Variants in GEMIN5 observed in about 807,000 individuals in gnomAD.
GEMIN5 encodes the protein gem nuclear organelle associated protein 5.
GEMIN5 carries 124 observed loss-of-function variants against 176.9 expected under a neutral mutation model. The observed-to-expected ratio is 0.70, with a 90% CI of 0.61 to 0.81. The LOEUF is 0.81. GEMIN5 is among the 40% of genes least tolerant of loss of function. The pLI is 0.00. For synonymous variants in GEMIN5, 673 were observed against 665.2 expected (o/e 1.01, Z -0.18); for missense variants, 1,843 against 1,814.6 (o/e 1.02, Z -0.28).
chr5:154,907,659 C>A lies in GEMIN5; in HGVS notation c.2327G>T (p.Gly776Val), dbSNP rs528693218. Residue 776 changes from glycine to valine, a missense_variant, in exon 16 of 28, where the codon GGT (glycine) becomes GTT (valine). Gly to Val is a moderately radical substitution (Grantham distance 109, BLOSUM62 -3). Coordinates refer to ENST00000285873, the MANE Select transcript of GEMIN5 (RefSeq NM_015465.5). ...MKENSGPVEN[G>V]VSDQEGEEQA... ...CTCCTCCCCTTCTTGGTCTGACACA[C>A]CATTCTCAACAGGTCCTGAGTTCTC... The A allele has an allele frequency of 1.2e-5, 20 of 1,614,152 alleles. No individual in the cohort carries two copies. The African/African-American group carries it at 2.1e-4, about 17-fold the overall frequency.
At chr5:154,893,884 C>T (rs919278730) in intron 24 of GEMIN5, among the ~76,000 whole-genome samples, 2 of 152,184 alleles carry the variant, frequency 1.3e-5, no homozygotes, top group African/African-American at 2.4e-5. Context: ...GCTGGGACTA[C>T]AGGAGCCCGC....
At chr5:154,926,173 A>G (rs1386307896) in intron 7 of GEMIN5, 99 bp from the exon 8 acceptor site, 1 of 691,652 alleles carries the variant, frequency 1.4e-6, no homozygotes, top group Non-Finnish European at 2.5e-6. Context: ...AGACTGGGTA[A>G]GGATAATGCA....
Position 154,896,361 on chromosome 5 carries a change from G to A in GEMIN5, c.3346-18C>T, listed in dbSNP as rs757127096. On this transcript the variant is annotated intron_variant, in intron 23 of 27. Coordinates refer to ENST00000285873, the MANE Select transcript of GEMIN5 (RefSeq NM_015465.5). ...CTCTGACCCTGGAACACGACAACAA[G>A]GAAGAGGAACTGTTATACAGGGAAA... 8.4e-6 allele frequency: 13 copies of A among 1,548,398 alleles called. No individual in the cohort carries two copies. In the South Asian group the frequency reaches 1.5e-4, roughly 18 times the overall value.
In GEMIN5 at chr5:154,887,957, T is replaced by C. The variant is rs1763143366; in HGVS notation, c.*253A>G. The C allele has an allele frequency of 8.8e-6, 4 of 453,918 alleles. No individual in the cohort carries two copies. The highest frequency in any genetic ancestry group is 8.0e-6 in the Non-Finnish European group (2 of 249,976). 28.1% of individuals were successfully genotyped at this position (453,918 alleles called of 1,614,324 possible). On this transcript the variant is annotated 3_prime_UTR_variant, in exon 28 of 28. Transcript: ENST00000285873. Reference sequence around the variant, plus strand: ...GTAGAGATGACCAACACTCTGCAGGTGTTAGTTCTGAATAACTACTGTGGG... The same window carrying C: ...GTAGAGATGACCAACACTCTGCAGGCGTTAGTTCTGAATAACTACTGTGGG...
At chr5:154,893,601 G>C (rs889335810) in intron 24 of GEMIN5, among the ~76,000 whole-genome samples, 22 of 152,180 alleles carry the variant, frequency 1.4e-4, no homozygotes, top group Admixed American at 1.4e-3. Flanking sequence ...CTCTGCAGGC[G>C]ATCTCCTGGC....
intron 15 of GEMIN5, among the ~76,000 whole-genome samples, chr5:154,908,130 C>T (rs963725268): frequency 1.3e-5 from 2 of 150,142 alleles, no homozygotes; most frequent in African/African-American, 2.4e-5. Flanking sequence ...GCCACCTACT[C>T]CATACTCTCT....
rs1763849403 is a variant in GEMIN5 at position 154,918,086 on chromosome 5, G to A, written c.1600-82C>T. On this transcript the variant is annotated intron_variant, in intron 11 of 27. Coordinates refer to ENST00000285873, the MANE Select transcript of GEMIN5 (RefSeq NM_015465.5). ...ACAGCATGAGAAAAAAAAATCCCTA[G>A]AGTTTAAAAACGTTTTAATTATACA... 3.8e-5 allele frequency: 32 copies of A among 850,314 alleles called. No homozygotes were observed. The South Asian group carries it at 4.5e-4, about 12-fold the overall frequency. The allele number at this position is 850,314 out of a possible 1,614,324, so 52.7% of individuals were successfully genotyped here. A position where few individuals can be genotyped will look rare whatever the true frequency, so the allele number is the denominator to read the frequency against.
intron 15 of GEMIN5, among the ~76,000 whole-genome samples, chr5:154,908,365 G>C (rs1260092170): frequency 2.0e-5 from 3 of 151,944 alleles, no homozygotes; most frequent in Non-Finnish European, 4.4e-5. Flanking sequence ...ATTTTCAGTA[G>C]AGACGGGGTT....
Position 154,891,743 on chromosome 5 carries a change from C to T in GEMIN5, c.3761-1G>A. ...AACTTGTCTCTTAGGTGGTCACAGC[C>T]TAGGAAAAGAGGAAAAAGATACTGG... On this transcript the variant is annotated splice_acceptor_variant, in intron 25 of 27. Transcript: ENST00000285873. LOFTEE classifies it high-confidence loss of function. 1.3e-6 allele frequency: 2 copies of T among 1,573,048 alleles called. No homozygotes were observed. Among genetic ancestry groups the T allele is most frequent in the South Asian group, 1.2e-5 (1 of 83,610 alleles).
rs754695739 is a variant in GEMIN5, at chr5:154,907,664, C to G, written c.2322G>C (p.Glu774Asp). 6.8e-6 allele frequency: 11 copies of G among 1,614,202 alleles called. No individual in the cohort carries two copies. The highest frequency in any genetic ancestry group is 5.0e-5 in the Admixed American group (3 of 60,026). ...ESMKENSGPV[E>D]NGVSDQEGEE... ...CCCCTTCTTGGTCTGACACACCATTCTCAACAGGTCCTGAGTTCTCCTTCA... is the reference window on the plus strand; with the variant it reads ...CCCCTTCTTGGTCTGACACACCATTGTCAACAGGTCCTGAGTTCTCCTTCA... The change falls in exon 16 of 28, where the codon GAG becomes GAC. Residue 774 changes from glutamate (E) to aspartate (D), a missense_variant. Physicochemically the swap from Glu to Asp is conservative, Grantham distance 45. Coordinates refer to ENST00000285873, the MANE Select transcript of GEMIN5 (RefSeq NM_015465.5).
intron 3 of GEMIN5, among the ~76,000 whole-genome samples, chr5:154,934,429 G>A (rs776939299): frequency 1.2e-4 from 19 of 152,098 alleles, no homozygotes; most frequent in Admixed American, 4.6e-4. Flanking sequence ...TGCCCACCTC[G>A]GCCTCTCAAA....
chr5:154,900,394 G>C (rs1763438739), intron 21 of GEMIN5, among the ~76,000 whole-genome samples: 1 of 152,170 alleles, frequency 6.6e-6, no homozygotes, highest in Non-Finnish European at 1.5e-5. Context: ...AGCCATGATG[G>C]AGTAACTGGG....
intron 26 of GEMIN5, 116 bp from the exon 27 acceptor site, chr5:154,889,533 T>A (rs546466533): frequency 5.5e-6 from 3 of 548,622 alleles, no homozygotes; most frequent in Non-Finnish European, 9.8e-6. Flanking sequence ...ATCTTAGCCA[T>A]TTAAAAATAC....
At chr5:154,918,126 A>G (rs2113492029) in intron 11 of GEMIN5, 122 bp from the exon 12 acceptor site, 1 of 638,658 alleles carries the variant, frequency 1.6e-6, no homozygotes, top group East Asian at 2.7e-5. Context: ...CTATTCTTGT[A>G]AATAATCTAC....
intron 24 of GEMIN5, among the ~76,000 whole-genome samples, chr5:154,892,862 G>T (rs1329552843): frequency 6.6e-6 from 1 of 152,196 alleles, no homozygotes; most frequent in Non-Finnish European, 1.5e-5. Flanking sequence ...ACTTTGGGAG[G>T]CCAAGGTGGG....
At position 154,888,119 on chromosome 5, in the gene GEMIN5, G is replaced by T; in HGVS notation, c.*91C>A. 1.7e-6 allele frequency: 2 copies of T among 1,176,810 alleles called. No individual in the cohort carries two copies. 72.9% of individuals were successfully genotyped at this position (1,176,810 alleles called of 1,614,324 possible). On this transcript the variant is annotated 3_prime_UTR_variant, in exon 28 of 28. Transcript: ENST00000285873. ...TTGGATTACTGCAAAAACATCTAGG[G>T]ACCAGAGTGAATGTCTGGTGAGGCA...
rs527249812 is a variant in GEMIN5 at position 154,921,408 on chromosome 5, C to T, written c.1397G>A (p.Ser466Asn). The T allele has an allele frequency of 6.8e-7, 1 of 1,469,906 alleles. No individual in the cohort carries two copies. The highest frequency in any genetic ancestry group is 1.2e-5 in the South Asian group (1 of 83,000). 91.1% of individuals were successfully genotyped at this position (1,469,906 alleles called of 1,614,324 possible). A position where few individuals can be genotyped will look rare whatever the true frequency, so the allele number is the denominator to read the frequency against. The change falls in exon 10 of 28, where the codon AGC (serine) becomes AAC (asparagine). Residue 466 changes from serine to asparagine, a missense_variant. By Grantham distance (46) the Ser-to-Asn change is conservative. Transcript: ENST00000285873. ...TYSNKPPQIS[S>N]TYHKKTVYTL... ...ATATACAGTCTTCTTATGATATGTG[C>T]TAGAAATCTGTGGAGGCCTTTAGAA...
chr5:154,925,598 G>T (rs1307627026), intron 8 of GEMIN5, among the ~76,000 whole-genome samples: 1 of 151,966 alleles, frequency 6.6e-6, no homozygotes, highest in African/African-American at 2.4e-5. Flanking sequence ...ATAACTTAAC[G>T]CATTTTCTAT....
At chr5:154,907,017 C>G (rs770827580) in intron 16 of GEMIN5, among the ~76,000 whole-genome samples, 1 of 152,150 alleles carries the variant, frequency 6.6e-6, no homozygotes, top group South Asian at 2.1e-4. Flanking sequence ...AAATTTTTAC[C>G]TAACAGTTTT....
Sources: allele counts gnomAD v4.1 joint callset (sites outside exome capture counted in the v4.1 genomes callset), GRCh38; gene constraint gnomAD v4.1.1; transcripts MANE v1.5; gene names NCBI Gene and HGNC (gene_info 2026-07-23, HGNC 2026-07-21).